The following CSMD1 variants were observed in gnomAD, a reference collection of about 807,000 sequenced individuals.
CSMD1 encodes the protein CUB and sushi domain-containing protein 1.
A neutral mutation model predicts 417.5 loss-of-function variants in CSMD1; 213 were observed. That is an observed-to-expected ratio of 0.51 (90% CI 0.46 to 0.57). The LOEUF (loss-of-function observed/expected upper bound fraction) is 0.57, where lower values mean the gene tolerates loss of function less well. Ranked by LOEUF, CSMD1 falls within the 20% of genes least tolerant of loss-of-function variation. The probability of loss-of-function intolerance (pLI) is 0.00; values close to 1 mark genes in which losing one functional copy is unlikely to be tolerated. For missense variants in CSMD1, 6,923 were observed against 4,529.7 expected (o/e 1.53, Z -15.17); for synonymous variants, 2,862 against 1,736.8 (o/e 1.65, Z -16.11).
chr8:4,064,474 G>C (rs1316416528), intron 3 of CSMD1, among the ~76,000 whole-genome samples: 1 of 152,196 alleles, frequency 6.6e-6, no homozygotes, highest in Non-Finnish European at 1.5e-5. Context: ...AACTGTAGCT[G>C]TCTAGAGCTG....
intron 40 of CSMD1, among the ~76,000 whole-genome samples, chr8:3,145,790 T>C (rs1314874473): frequency 6.6e-6 from 1 of 152,224 alleles, no homozygotes; most frequent in Admixed American, 6.5e-5. Context: ...GCATATATAT[T>C]ATTTCAATAA....
At chr8:3,564,548 T>TGTGTGTGTGTGTGTGC (rs1351897386) in intron 10 of CSMD1, among the ~76,000 whole-genome samples, 27 of 151,938 alleles carry the variant, frequency 1.8e-4, no homozygotes, top group African/African-American at 6.5e-4. Flanking sequence ...TGTGTGTGTG[T>TGTGTGTGTGTGTGTGC]GTATAATACA....
At chr8:3,586,359 TCAG>T in intron 8 of CSMD1, 99 bp from the exon 9 acceptor site, 6 of 1,228,362 alleles carry the variant, frequency 4.9e-6, no homozygotes, top group Admixed American at 2.7e-5. Flanking sequence ...ACGATCTTGT[TCAG>T]TTAAAACAGC....
chr8:4,384,207 C>G (rs1025618411), intron 3 of CSMD1, among the ~76,000 whole-genome samples: 5 of 152,114 alleles, frequency 3.3e-5, no homozygotes, highest in African/African-American at 4.8e-5. Context: ...AATCACCACA[C>G]TCCTATGATT....
intron 10 of CSMD1, among the ~76,000 whole-genome samples, chr8:3,508,948 T>G (rs1305490341): frequency 6.6e-6 from 1 of 152,190 alleles, no homozygotes; most frequent in African/African-American, 2.4e-5. Flanking sequence ...CTTAAAGTCC[T>G]CATGCTTAGT....
At chr8:3,029,639 G>A (rs79113264) in intron 50 of CSMD1, 126 bp from the exon 51 acceptor site, 13,797 of 709,434 alleles carry the variant, frequency 0.019, 222 homozygotes, top group Middle Eastern at 0.042. Flanking sequence ...ATGCCATTAC[G>A]TATTATCTCA....
chr8:4,131,641 T>C (rs1192577739), intron 3 of CSMD1, among the ~76,000 whole-genome samples: 1 of 151,922 alleles, frequency 6.6e-6, no homozygotes, highest in African/African-American at 2.4e-5. Flanking sequence ...TGACTAGTTC[T>C]CAAGTAAATA....
At chr8:4,509,637 C>A (rs1170598713) in intron 2 of CSMD1, among the ~76,000 whole-genome samples, 4 of 152,108 alleles carry the variant, frequency 2.6e-5, no homozygotes, top group African/African-American at 9.7e-5. Context: ...TCATCAAGTT[C>A]TTTGTGAGGA....
chr8:4,293,624 A>G (rs1035796799), intron 3 of CSMD1, among the ~76,000 whole-genome samples: 1 of 152,190 alleles, frequency 6.6e-6, no homozygotes, highest in African/African-American at 2.4e-5. Flanking sequence ...GCAATCGTGT[A>G]TTTTGACTGT....
chr8:4,069,915 C>G (rs1384629406), intron 3 of CSMD1, among the ~76,000 whole-genome samples: 7 of 152,068 alleles, frequency 4.6e-5, no homozygotes, highest in Non-Finnish European at 1.0e-4. Flanking sequence ...TTGTTTTTTA[C>G]CACTTTGTAT....
intron 7 of CSMD1, among the ~76,000 whole-genome samples, chr8:3,704,358 G>T (rs1239500239): frequency 5.3e-5 from 8 of 152,120 alleles, no homozygotes; most frequent in Admixed American, 2.6e-4. Context: ...CATATACCCA[G>T]TGGGCTCCAT....
intron 7 of CSMD1, among the ~76,000 whole-genome samples, chr8:3,645,483 C>T (rs1242871753): frequency 1.3e-5 from 2 of 151,992 alleles, no homozygotes; most frequent in African/African-American, 4.8e-5. Context: ...GAAAATGGGA[C>T]AGTGGAAGAA....
chr8:4,521,626 G>A (rs1347294996), intron 2 of CSMD1, among the ~76,000 whole-genome samples: 1 of 152,172 alleles, frequency 6.6e-6, no homozygotes, highest in African/African-American at 2.4e-5. Flanking sequence ...GAATTGCAAG[G>A]TAACTTTATG....
At chr8:4,410,677 T>C (rs557034623) in intron 3 of CSMD1, among the ~76,000 whole-genome samples, 7 of 152,246 alleles carry the variant, frequency 4.6e-5, no homozygotes, top group African/African-American at 1.2e-4. Context: ...CACAAGAGTA[T>C]ACTGGAAAAA....
intron 3 of CSMD1, among the ~76,000 whole-genome samples, chr8:4,083,421 C>T (rs550113183): frequency 1.7e-4 from 26 of 152,140 alleles, no homozygotes; most frequent in African/African-American, 3.1e-4. Context: ...TTCCGCATCA[C>T]GCCACCTGAC....
At position 4,636,279 on chromosome 8, in the gene CSMD1, C is replaced by T. The variant is rs188377914; in HGVS notation, c.302+1063G>A. On this transcript the variant is annotated intron_variant, in intron 2 of 69. Transcript: ENST00000635120. ...ATTGAAAACAAAAAGTAGATACAGA[C>T]GTACAGGTATAATTTTTTCTTGTTG... Among the ~76,000 whole-genome samples, 84 of 152,024 alleles carry T rather than the reference C, an allele frequency of 5.5e-4. 2 individuals are homozygous for T. In the East Asian group the frequency reaches 7.2e-3, roughly 13 times the overall value.
At chr8:3,257,096 T>TG (rs1365246547) in intron 26 of CSMD1, among the ~76,000 whole-genome samples, 48 of 152,092 alleles carry the variant, frequency 3.2e-4, no homozygotes, top group African/African-American at 1.1e-3. Context: ...CCAAGGTGGG[T>TG]GGATCACTTG....
chr8:3,843,981 G>C (rs1009495712), intron 5 of CSMD1, among the ~76,000 whole-genome samples: 1 of 152,024 alleles, frequency 6.6e-6, no homozygotes, highest in African/African-American at 2.4e-5. Context: ...GTACTCAAAC[G>C]GCCAAATGTC....
intron 3 of CSMD1, among the ~76,000 whole-genome samples, chr8:4,107,406 G>A (rs1172986596): frequency 1.3e-5 from 2 of 152,158 alleles, no homozygotes; most frequent in Admixed American, 6.5e-5. Context: ...TCGCTCCACA[G>A]CAGAAAATGT....
Sources: allele counts gnomAD v4.1 joint callset (sites outside exome capture counted in the v4.1 genomes callset), GRCh38; gene constraint gnomAD v4.1.1; transcripts MANE v1.5; gene names NCBI Gene and HGNC (gene_info 2026-07-23, HGNC 2026-07-21).